The following PALM variants were observed in gnomAD, a reference collection of about 807,000 sequenced individuals.
PALM encodes paralemmin.
In PALM, 18 loss-of-function variants were observed where a neutral mutation model predicts 30.7. The ratio of observed to expected loss-of-function variants is 0.59; its 90% confidence interval spans 0.41 to 0.87. PALM has a LOEUF of 0.87. Ranked by LOEUF, PALM falls within the 40% of genes least tolerant of loss-of-function variation. PALM has a pLI of 0.00. For missense variants in PALM, 529 were observed against 555.4 expected (o/e 0.95, Z 0.48); for synonymous variants, 286 against 242.8 (o/e 1.18, Z -1.66).
At chr19:731,323 T>G in intron 5 of PALM, 78 bp downstream of exon 5, 2 of 1,324,652 alleles carry the variant, frequency 1.5e-6, no homozygotes, top group Non-Finnish European at 2.1e-6. Flanking sequence ...AGCCCTTCCA[T>G]GTCAGCGTAG....
chr19:745,768 C>G (rs1197158446), intron 8 of PALM, among the ~76,000 whole-genome samples: 2 of 150,870 alleles, frequency 1.3e-5, no homozygotes, highest in Non-Finnish European at 2.9e-5. Flanking sequence ...ATAAATTTTC[C>G]TCATTGTCGG....
At chr19:735,977 C>T in intron 6 of PALM, 42 bp from the exon 7 acceptor site, 2 of 1,572,110 alleles carry the variant, frequency 1.3e-6, no homozygotes, top group Non-Finnish European at 1.7e-6. Flanking sequence ...GTGACCTCTC[C>T]TCTGACCCTC....
chr19:720,334 G>A (rs1271481549), intron 1 of PALM, among the ~76,000 whole-genome samples: 3 of 149,666 alleles, frequency 2.0e-5, no homozygotes, highest in African/African-American at 7.4e-5. Flanking sequence ...CGAGGGGGGC[G>A]CATCCTGCGT....
chr19:739,344 C>T (rs946343950), intron 7 of PALM, among the ~76,000 whole-genome samples: 5 of 152,068 alleles, frequency 3.3e-5, no homozygotes, highest in East Asian at 1.9e-4. Flanking sequence ...GCCGTGACCC[C>T]GGGCAAGGCA....
chr19:711,001 C>T (rs1037310858), intron 1 of PALM, among the ~76,000 whole-genome samples: 2 of 152,250 alleles, frequency 1.3e-5, no homozygotes, highest in Non-Finnish European at 2.9e-5. Flanking sequence ...TGCCTCCTCC[C>T]GTTTCCACAG....
Position 719,801 on chromosome 19 carries a change from G to A in PALM, c.6-6337G>A, listed in dbSNP as rs1477253306. The A allele has an allele frequency of 3.5e-5, 8 of 228,448 alleles. No homozygotes were observed. The East Asian group carries it at 9.1e-4, about 26-fold the overall frequency. The allele number at this position is 228,448 out of a possible 1,614,324, so 14.2% of individuals were successfully genotyped here. A position where few individuals can be genotyped will look rare whatever the true frequency, so the allele number is the denominator to read the frequency against. ...GCAGGAGGATGAACGCCGGGAGAAG[G>A]CCGCCCTGCCCGGCCTCAGTTTCCC... On this transcript the variant is annotated intron_variant, in intron 1 of 8. Coordinates refer to ENST00000338448, the MANE Select transcript of PALM (RefSeq NM_002579.3).
chr19:728,403 GC>G (rs1266541418), intron 4 of PALM, among the ~76,000 whole-genome samples: 1 of 152,226 alleles, frequency 6.6e-6, no homozygotes, highest in Non-Finnish European at 1.5e-5. Context: ...CTTCCCAGAC[GC>G]TGGGTTCTGA....
At chr19:737,419 A>C (rs1599162653) in intron 7 of PALM, among the ~76,000 whole-genome samples, 1 of 152,214 alleles carries the variant, frequency 6.6e-6, no homozygotes, top group African/African-American at 2.4e-5. Context: ...CCCTTCACCC[A>C]GAATGCCTTT....
chr19:741,220 C>T (rs1004602586), intron 8 of PALM, among the ~76,000 whole-genome samples: 11 of 152,106 alleles, frequency 7.2e-5, no homozygotes, highest in African/African-American at 2.4e-4. Context: ...TGTGAGAAGT[C>T]TCACAGGGTG....
chr19:726,085 G>A (rs375335879), intron 1 of PALM, 53 bp from the exon 2 acceptor site: 2 of 1,419,124 alleles, frequency 1.4e-6, no homozygotes, highest in African/African-American at 1.4e-5. Context: ...AACCGCGTCT[G>A]ACGGACAGCA....
rs191276434 is a variant in PALM, at chr19:726,236, G to A, written c.57+47G>A. 3.3e-4 allele frequency: 505 copies of A among 1,526,518 alleles called. 3 individuals are homozygous for A. The East Asian group carries it at 8.5e-3, about 26-fold the overall frequency. 94.6% of individuals were successfully genotyped at this position (1,526,518 alleles called of 1,614,324 possible). A position where few individuals can be genotyped will look rare whatever the true frequency, so the allele number is the denominator to read the frequency against. On this transcript the variant is annotated intron_variant, in intron 2 of 8. Coordinates refer to ENST00000338448, the MANE Select transcript of PALM (RefSeq NM_002579.3). ...GACGGTGTGGTCAGGGTGGGGAAGT[G>A]GGGGGACCTGGGGTCTCGGGCCCTG...
intron 4 of PALM, among the ~76,000 whole-genome samples, chr19:728,382 C>T (rs1300399557): frequency 6.6e-6 from 1 of 152,224 alleles, no homozygotes; most frequent in African/African-American, 2.4e-5. Flanking sequence ...ATCACACGGA[C>T]CTCGCAGGCC....
chr19:735,971 C>A, intron 6 of PALM, 48 bp from the exon 7 acceptor site: 7 of 1,526,448 alleles, frequency 4.6e-6, no homozygotes, highest in Non-Finnish European at 6.3e-6. Context: ...GTCCATGTGA[C>A]CTCTCCTCTG....
intron 5 of PALM, 22 bp from the exon 6 acceptor site, chr19:734,151 C>CCA: frequency 1.2e-6 from 2 of 1,613,742 alleles, no homozygotes; most frequent in Non-Finnish European, 1.7e-6. Flanking sequence ...CGCCCCTGAC[C>CCA]CTTCTCTCTT....
At chr19:731,761 G>A (rs2144895277) in intron 5 of PALM, among the ~76,000 whole-genome samples, 1 of 152,260 alleles carries the variant, frequency 6.6e-6, no homozygotes, top group South Asian at 2.1e-4. Flanking sequence ...CCAGGTTCAA[G>A]CAATTCTCCT....
Position 747,026 on chromosome 19 carries a change from G to C in PALM, c.*212G>C. On this transcript the variant is annotated 3_prime_UTR_variant, in exon 9 of 9. Coordinates refer to ENST00000338448, the MANE Select transcript of PALM (RefSeq NM_002579.3). ...AACACTCCCCCCGAACCAGAGCCGTGCACTTGTGCCTGGTAGGAGAGAGAC... is the reference window on the plus strand; with the variant it reads ...AACACTCCCCCCGAACCAGAGCCGTCCACTTGTGCCTGGTAGGAGAGAGAC... 1.7e-6 allele frequency: 1 copy of C among 574,100 alleles called. No individual in the cohort carries two copies. The highest frequency in any genetic ancestry group is 3.1e-6 in the Non-Finnish European group (1 of 322,322). The allele number at this position is 574,100 out of a possible 1,614,324, so 35.6% of individuals were successfully genotyped here. A position where few individuals can be genotyped will look rare whatever the true frequency, so the allele number is the denominator to read the frequency against.
rs1433634801 is a variant in PALM, at chr19:709,453, G to A, written c.5+302G>A. ...GGGGGAGGCTCGCGTCTCCGCCCGC[G>A]CCCCGCCCGCGTCTCCAGGGCGAGC... On this transcript the variant is annotated intron_variant, in intron 1 of 8. Transcript: ENST00000338448. The surrounding 1 kb of genome is among the most constrained non-coding windows in gnomAD (Gnocchi z 4.3). 1.3e-5 allele frequency among the ~76,000 whole-genome samples: 2 copies of A among 151,760 alleles called. No homozygotes were observed. Among genetic ancestry groups the A allele is most frequent in the Non-Finnish European group, 2.9e-5 (2 of 67,850 alleles).
At chr19:717,252 T>G (rs1158583751) in intron 1 of PALM, among the ~76,000 whole-genome samples, 3 of 152,018 alleles carry the variant, frequency 2.0e-5, no homozygotes, top group African/African-American at 7.2e-5. Flanking sequence ...TCACCACAAT[T>G]GTAGAACATT....
intron 4 of PALM, 190 bp downstream of exon 4, chr19:727,884 T>C (rs1292279294): frequency 5.1e-6 from 3 of 593,772 alleles, no homozygotes; most frequent in South Asian, 2.1e-5. Flanking sequence ...TCCACCTGGG[T>C]CTGGGGCAGC....
Sources: gnomAD v4.1 joint callset for allele counts (sites outside exome capture counted in the v4.1 genomes callset) on GRCh38, gnomAD v4.1.1 for gene constraint, Gnocchi (gnomAD v3.1) non-coding constraint, MANE v1.5 for transcripts, NCBI Gene and HGNC (gene_info 2026-07-23, HGNC 2026-07-21) for gene names.